The following EPS15 variants were observed in gnomAD, a reference collection of about 807,000 sequenced individuals.
EPS15 encodes the protein epidermal growth factor receptor pathway substrate 15.
EPS15 carries 72 observed loss-of-function variants against 113.8 expected under a neutral mutation model. That is an observed-to-expected ratio of 0.63 (90% CI 0.52 to 0.77). The LOEUF is 0.77. Among genes scored for constraint, EPS15 ranks in the 30% least tolerant of loss-of-function variants. The pLI is 0.00. For synonymous variants in EPS15, 344 were observed against 363.4 expected (o/e 0.95, Z 0.61); for missense variants, 1,048 against 1,045.8 (o/e 1.00, Z -0.03).
At chr1:51,476,645 C>T (rs908947349) in intron 2 of EPS15, among the ~76,000 whole-genome samples, 2 of 152,116 alleles carry the variant, frequency 1.3e-5, no homozygotes, top group Non-Finnish European at 2.9e-5. Context: ...TTTCAAAAAA[C>T]CAGCTCCTGG....
In EPS15 at chr1:51,455,526, G is replaced by A. The variant is rs1398846546; in HGVS notation, c.561+5565C>T. Among the ~76,000 whole-genome samples, 4 of 151,960 alleles carry A rather than the reference G, an allele frequency of 2.6e-5. No individual in the cohort carries two copies. In the East Asian group the frequency reaches 7.7e-4, roughly 29 times the overall value. ...AACAGATTGAACCTGGGAGGTGGAGGTTGCGGTGAGCCGAAATCACACTAC... is the reference window on the plus strand; with the variant it reads ...AACAGATTGAACCTGGGAGGTGGAGATTGCGGTGAGCCGAAATCACACTAC... On this transcript the variant is annotated intron_variant, in intron 8 of 24. Transcript: ENST00000371733.
At chr1:51,393,181 A>T (rs1647561653) in intron 21 of EPS15, among the ~76,000 whole-genome samples, 3 of 152,180 alleles carry the variant, frequency 2.0e-5, no homozygotes, top group Admixed American at 1.3e-4. Context: ...ATCTTGTTAC[A>T]ATTTGTTCAT....
At chr1:51,369,699 GA>G (rs1646601757) in intron 21 of EPS15, among the ~76,000 whole-genome samples, 1 of 151,688 alleles carries the variant, frequency 6.6e-6, no homozygotes, top group South Asian at 2.1e-4. Context: ...AGGTGTACAT[GA>G]AAAAGCTACA....
chr1:51,358,665 C>T (rs963525110), intron 24 of EPS15, among the ~76,000 whole-genome samples: 1 of 150,244 alleles, frequency 6.7e-6, no homozygotes, highest in Non-Finnish European at 1.5e-5. Flanking sequence ...CAAAATGCCT[C>T]AGCTGTTGTT....
Position 51,491,744 on chromosome 1 carries a change from C to T in EPS15, c.34-10430G>A, listed in dbSNP as rs1438418980. Among the ~76,000 whole-genome samples the T allele has an allele frequency of 3.9e-5, 6 of 152,008 alleles. No individual in the cohort carries two copies. The East Asian group carries it at 1.2e-3, about 29-fold the overall frequency. ...AGGCAAATCACCTGGGCAGTCCTCA[C>T]CTTTAGAACTGGAGAGGGTGGGGAG... On this transcript the variant is annotated intron_variant, in intron 1 of 24. Transcript: ENST00000371733.
intron 14 of EPS15, among the ~76,000 whole-genome samples, 175 bp from the exon 15 acceptor site, chr1:51,408,507 C>T (rs1649358960): frequency 6.6e-6 from 1 of 152,084 alleles, no homozygotes; most frequent in South Asian, 2.1e-4. Context: ...TGCTATGTTG[C>T]CCAGGCTGGA....
intron 3 of EPS15, 112 bp from the exon 4 acceptor site, chr1:51,471,849 G>T: frequency 2.5e-6 from 2 of 815,486 alleles, no homozygotes; most frequent in South Asian, 1.6e-5. Context: ...TCAGATCTAA[G>T]AATCATAGAA....
chr1:51,458,885 G>A (rs999398857), intron 8 of EPS15, among the ~76,000 whole-genome samples: 1 of 151,894 alleles, frequency 6.6e-6, no homozygotes, highest in African/African-American at 2.4e-5. Context: ...TATCATCACC[G>A]AAATCTCTTC....
intron 1 of EPS15, among the ~76,000 whole-genome samples, chr1:51,511,473 C>T (rs1320397057): frequency 6.6e-6 from 1 of 152,086 alleles, no homozygotes; most frequent in Admixed American, 6.5e-5. Flanking sequence ...CCAGCCTGGA[C>T]GACAGAGCGA....
At chr1:51,397,369 T>C (rs1570194579) in intron 20 of EPS15, among the ~76,000 whole-genome samples, 2 of 152,210 alleles carry the variant, frequency 1.3e-5, no homozygotes, top group Non-Finnish European at 2.9e-5. Context: ...AATATTCCTT[T>C]AGAAAACTGG....
intron 5 of EPS15, among the ~76,000 whole-genome samples, chr1:51,466,555 G>A (rs1654858098): frequency 6.6e-6 from 1 of 151,590 alleles, no homozygotes; most frequent in Non-Finnish European, 1.5e-5. Context: ...CCTAGGGGGT[G>A]GAGGTTGCAG....
At chr1:51,462,773 A>C (rs560539852) in intron 7 of EPS15, among the ~76,000 whole-genome samples, 1 of 152,146 alleles carries the variant, frequency 6.6e-6, no homozygotes, top group South Asian at 2.1e-4. Flanking sequence ...ATACCACTGA[A>C]TTGTACACTT....
At chr1:51,484,519 C>T (rs1644084835) in intron 1 of EPS15, among the ~76,000 whole-genome samples, 2 of 152,030 alleles carry the variant, frequency 1.3e-5, no homozygotes, top group Non-Finnish European at 2.9e-5. Flanking sequence ...CTGTGTATAT[C>T]TAGTTTCTGG....
At chr1:51,380,172 C>T (rs559633178) in intron 21 of EPS15, among the ~76,000 whole-genome samples, 5 of 151,240 alleles carry the variant, frequency 3.3e-5, no homozygotes, top group Non-Finnish European at 5.9e-5. Context: ...TGCAGTGAGC[C>T]GAGACTGCGT....
In EPS15 at chr1:51,456,545, C is replaced by G. The variant is rs553075828; in HGVS notation, c.561+4546G>C. The stretch of plus-strand genomic sequence containing the variant: ...CTGGCAGAGTATAAACTGCCATAGG[C>G]CAAAAGGACTGATCATATAAATAAG... On this transcript the variant is annotated intron_variant, in intron 8 of 24. Coordinates refer to ENST00000371733, the MANE Select transcript of EPS15 (RefSeq NM_001981.3). Among the ~76,000 whole-genome samples the G allele has an allele frequency of 3.3e-5, 5 of 152,064 alleles. No individual in the cohort carries two copies. The East Asian group carries it at 9.6e-4, about 29-fold the overall frequency.
At chr1:51,378,597 T>A (rs1341865953) in intron 21 of EPS15, among the ~76,000 whole-genome samples, 1 of 152,240 alleles carries the variant, frequency 6.6e-6, no homozygotes, top group Non-Finnish European at 1.5e-5. Flanking sequence ...ACAAGAATTT[T>A]GCATTCTCAG....
At chr1:51,427,265 C>T (rs766073092) in intron 12 of EPS15, among the ~76,000 whole-genome samples, 4 of 152,242 alleles carry the variant, frequency 2.6e-5, no homozygotes, top group Admixed American at 6.5e-5. Context: ...CTATGAAGAG[C>T]GATAGGGAAA....
rs781396281 is a variant in EPS15 at position 51,448,029 on chromosome 1, G to T, written c.651+17C>A. 2 of 1,612,274 alleles carry T rather than the reference G, an allele frequency of 1.2e-6. No individual in the cohort carries two copies. The highest frequency in any genetic ancestry group is 2.7e-5 in the African/African-American group (2 of 74,818). On this transcript the variant is annotated intron_variant, in intron 9 of 24. Coordinates refer to ENST00000371733, the MANE Select transcript of EPS15 (RefSeq NM_001981.3). The stretch of plus-strand genomic sequence containing the variant: ...TGCTGAAGAGGGGATCAACCGCACA[G>T]AGCCTGATATACTGACCGTTTTTCT...
At chr1:51,406,707 C>T (rs1325850208) in intron 15 of EPS15, among the ~76,000 whole-genome samples, 1 of 152,072 alleles carries the variant, frequency 6.6e-6, no homozygotes, top group African/African-American at 2.4e-5. Context: ...CTCACTACAA[C>T]AACTCTTTCA....
Sources: allele counts gnomAD v4.1 joint callset (sites outside exome capture counted in the v4.1 genomes callset), GRCh38; gene constraint gnomAD v4.1.1; transcripts MANE v1.5; gene names NCBI Gene and HGNC (gene_info 2026-07-23, HGNC 2026-07-21).